THPO: variants seen among roughly 807,000 people sequenced by gnomAD.
The protein encoded by THPO is MPL ligand.
A neutral mutation model predicts 17.0 loss-of-function variants in THPO; 12 were observed. That is an observed-to-expected ratio of 0.71 (90% confidence interval 0.45 to 1.14). The LOEUF is 1.14. THPO is among the 50% of genes most tolerant of loss of function. The pLI is 0.00. For missense variants in THPO, 365 were observed against 427.5 expected (o/e 0.85, Z 1.29); for synonymous variants, 188 against 183.0 (o/e 1.03, Z -0.22).
rs1395198495 is a variant in THPO, at chr3:184,372,636, C to T, written c.939G>A (p.Leu313=). 1.5e-5 allele frequency: 24 copies of T among 1,612,586 alleles called. No homozygotes were observed. The highest frequency in any genetic ancestry group is 2.0e-5 in the Non-Finnish European group (24 of 1,179,182). Residue 313 remains leucine (L), a synonymous_variant, in exon 6 of 6, where the codon TTG becomes TTA. Transcript: ENST00000647395. ...QYTLFPLPPT[L]PTPVVQLHPL... ...GGTGGAGCTGGACCACAGGGGTGGG[C>T]AAGGTGGGTGGAAGAGGGAAGAGCG...
chr3:184,373,037 T>TGGTGGGTGGGGCCCGCCTGACGC lies in THPO; in HGVS notation c.515_537dup (p.Thr180AlafsTer17). ...AGAGAGGTTCTGCTGGGGACAGCTG[T>TGGTGGGTGGGGCCCGCCTGACGC]GGTGGGTGGGGCCCGCCTGACGCAG... On this transcript the variant is annotated frameshift_variant, in exon 6 of 6. Transcript: ENST00000647395. LOFTEE classifies it low-confidence loss of function (END_TRUNC). 6.2e-7 allele frequency: 1 copy of TGGTGGGTGGGGCCCGCCTGACGC among 1,614,042 alleles called. No homozygotes were observed. Among genetic ancestry groups the TGGTGGGTGGGGCCCGCCTGACGC allele is most frequent in the Non-Finnish European group, 8.5e-7 (1 of 1,180,012 alleles).
upstream of THPO, chr3:184,378,349 T>C: frequency 2.0e-6 from 2 of 985,490 alleles, no homozygotes; most frequent in East Asian, 1.1e-4. Context: ...GGGGGATCCA[T>C]CTTTTCCTGG....
chr3:184,373,434 T>A lies in THPO; in HGVS notation c.377A>T (p.Gln126Leu), dbSNP rs373801614. The change falls in exon 5 of 6, where the codon CAG (glutamine) becomes CTG (leucine). Residue 126 changes from glutamine to leucine, a missense_variant. Physicochemically the swap from Gln to Leu is moderately radical, Grantham distance 113 (BLOSUM62 -2). Transcript: ENST00000647395. ...GQVRLLLGAL[Q>L]SLLGTQLPPQ... ...ACTTACCTGGGTTCCAAGGAGGCTC[T>A]GCAGGGCCCCAAGGAGGAGACGGAC... The A allele has an allele frequency of 1.9e-6, 3 of 1,613,936 alleles. No individual in the cohort carries two copies. The highest frequency in any genetic ancestry group is 2.5e-6 in the Non-Finnish European group (3 of 1,179,984).
chr3:184,376,855 AAAGAAAGAAAG>A (rs1374041451), intron 1 of THPO, among the ~76,000 whole-genome samples: 10 of 141,454 alleles, frequency 7.1e-5, no homozygotes, highest in African/African-American at 2.4e-4. Flanking sequence ...CAAAAAAAAA[AAAGAAAGAAAG>A]AAAGAAAGAA....
In THPO at chr3:184,372,779, G is replaced by C. The variant is rs186070598; in HGVS notation, c.796C>G (p.Arg266Gly). 1.9e-6 allele frequency: 3 copies of C among 1,613,952 alleles called. No individual in the cohort carries two copies. The highest frequency in any genetic ancestry group is 2.7e-5 in the African/African-American group (2 of 74,872). ...GTRGLFPGPS[R>G]RTLGAPDISS... The stretch of plus-strand genomic sequence containing the variant: ...ATGTCCGGGGCTCCTAGGGTCCTGC[G>C]TGAGGGTCCAGGAAAGAGTCCACGA... The change falls in exon 6 of 6, where the codon CGC (arginine) becomes GGC (glycine). Residue 266 changes from arginine (R) to glycine (G), a missense_variant. Physicochemically the swap from Arg to Gly is moderately radical, Grantham distance 125 (BLOSUM62 -2). Transcript: ENST00000647395.
intron 2 of THPO, 22 bp downstream of exon 2, chr3:184,376,225 A>G: frequency 6.2e-7 from 1 of 1,613,804 alleles, no homozygotes; most frequent in South Asian, 1.1e-5. Context: ...ATATGGCCCT[A>G]GCCCCTCAGG....
At chr3:184,375,482 T>C (rs1220356687) in intron 4 of THPO, 33 bp downstream of exon 4, 1 of 1,604,724 alleles carries the variant, frequency 6.2e-7, no homozygotes, top group African/African-American at 1.3e-5. Flanking sequence ...AGACAGGACT[T>C]AGGGAAGCCA....
At chr3:184,374,200 C>G (rs1010548483) in intron 4 of THPO, among the ~76,000 whole-genome samples, 11 of 152,146 alleles carry the variant, frequency 7.2e-5, no homozygotes, top group African/African-American at 2.7e-4. Flanking sequence ...TGCACTCCAG[C>G]CTGGGGGATA....
rs1227402405 is a variant in THPO at position 184,376,021 on chromosome 3, A to G, written c.14-6T>C. 6.2e-7 allele frequency: 1 copy of G among 1,613,854 alleles called. No homozygotes were observed. The highest frequency in any genetic ancestry group is 1.7e-5 in the Admixed American group (1 of 59,976). On this transcript the variant is annotated splice_polypyrimidine_tract_variant and splice_region_variant and intron_variant, in intron 2 of 5. Coordinates refer to ENST00000647395, the MANE Select transcript of THPO (RefSeq NM_000460.4). ...CATGACCACGAGGAGCAATTCTTAG[A>G]TGAGGAGAGGTGAGGTTGAAAGATG...
Position 184,372,907 on chromosome 3 carries a change from T to C in THPO, c.668A>G (p.Gln223Arg), listed in dbSNP as rs755579168. The C allele has an allele frequency of 3.1e-6, 5 of 1,613,916 alleles. No homozygotes were observed. The East Asian group carries it at 6.7e-5, about 22-fold the overall frequency. ...TTGSGLLKWQ[Q>R]GFRAKIPGLL... ...ACCAGGAATCTTGGCTCTGAATCCC[T>C]GCTGCCACTTCAGAAGCCCAGAGCC... is the stretch of plus-strand genomic sequence containing the variant. The change falls in exon 6 of 6, where the codon CAG (glutamine) becomes CGG (arginine). Residue 223 changes from glutamine to arginine, a missense_variant. Gln to Arg is a conservative substitution (Grantham distance 43, BLOSUM62 1). Transcript: ENST00000647395.
In THPO at chr3:184,372,431, T is replaced by C; in HGVS notation, c.*82A>G. 1 of 1,541,760 alleles carries C rather than the reference T, an allele frequency of 6.5e-7. No individual in the cohort carries two copies. The highest frequency in any genetic ancestry group is 1.1e-5 in the South Asian group (1 of 89,116). On this transcript the variant is annotated 3_prime_UTR_variant, in exon 6 of 6. Coordinates refer to ENST00000647395, the MANE Select transcript of THPO (RefSeq NM_000460.4). The stretch of plus-strand genomic sequence containing the variant: ...GGTTTCAGGAGAAAGTAGGAAATCT[T>C]GTCCAGTTGTCTCCCAGGGGCGCCC...
At chr3:184,376,038 T>G in intron 2 of THPO, 23 bp from the exon 3 acceptor site, 2 of 1,613,854 alleles carry the variant, frequency 1.2e-6, no homozygotes, top group Non-Finnish European at 8.5e-7. Context: ...GAGGTGAGGT[T>G]GAAAGATGAG....
upstream of THPO, among the ~76,000 whole-genome samples, chr3:184,379,496 G>A (rs1714809252): frequency 6.6e-6 from 1 of 152,170 alleles, no homozygotes; most frequent in Non-Finnish European, 1.5e-5. Flanking sequence ...AGCGACCTCA[G>A]AGAGAAGGTA....
chr3:184,379,413 C>T (rs73887468), upstream of THPO, among the ~76,000 whole-genome samples: 1,997 of 152,102 alleles, frequency 0.013, 40 homozygotes, highest in African/African-American at 0.046. Flanking sequence ...GAGGGAGATA[C>T]TGTCACTCCA....
upstream of THPO, among the ~76,000 whole-genome samples, chr3:184,379,326 A>G (rs1486310477): frequency 6.6e-6 from 1 of 151,946 alleles, no homozygotes; most frequent in African/African-American, 2.4e-5. Flanking sequence ...GGAGAGGCAG[A>G]GGGTCCCTTG....
upstream of THPO, chr3:184,378,891 C>T: frequency 1.0e-6 from 1 of 984,708 alleles, no homozygotes; most frequent in Non-Finnish European, 1.2e-6. Flanking sequence ...GAGGAATAAC[C>T]AGGCCCATGT....
Position 184,373,162 on chromosome 3 carries a change from C to T in THPO, c.413G>A (p.Arg138Lys). The T allele has an allele frequency of 6.2e-7, 1 of 1,612,132 alleles. No homozygotes were observed. Among genetic ancestry groups the T allele is most frequent in the Non-Finnish European group, 8.5e-7 (1 of 1,179,998 alleles). ...LLGTQLPPQG[R>K]TTAHKDPNAI... ...ATTGGGATCCTTGTGAGCTGTGGTC[C>T]TGCCCTGTGGAGGAAGCTGAGGGCA... Residue 138 changes from arginine (R) to lysine (K), a missense_variant, in exon 6 of 6, where the codon AGG (arginine) becomes AAG (lysine). Coordinates refer to ENST00000647395, the MANE Select transcript of THPO (RefSeq NM_000460.4).
At position 184,372,704 on chromosome 3, in the gene THPO, C is replaced by T; in HGVS notation, c.871G>A (p.Gly291Arg). ...TGSLPPNLQPGYSPSPTHPPT... is the reference protein window; with the variant it reads ...TGSLPPNLQPRYSPSPTHPPT... ...GGATGGGTTGGGGAAGGAGAATATC[C>T]AGGCTGGAGGTTGGGTGGCAGGGAG... is the stretch of plus-strand genomic sequence containing the variant. The change falls in exon 6 of 6, where the codon GGA becomes AGA. Residue 291 changes from glycine to arginine, a missense_variant. Transcript: ENST00000647395. 1 of 1,613,448 alleles carries T rather than the reference C, an allele frequency of 6.2e-7. No homozygotes were observed. The highest frequency in any genetic ancestry group is 1.1e-5 in the South Asian group (1 of 91,068).
Position 184,378,055 on chromosome 3 carries a change from A to G in THPO, c.-146+20T>C. 1 of 985,312 alleles carries G rather than the reference A, an allele frequency of 1.0e-6. No homozygotes were observed. The allele number at this position is 985,312 out of a possible 1,614,324, so 61.0% of individuals were successfully genotyped here. On this transcript the variant is annotated intron_variant, in intron 1 of 5. Coordinates refer to ENST00000647395, the MANE Select transcript of THPO (RefSeq NM_000460.4). ...GTCCTTTCTACCCTCACATAACCCC[A>G]CACCCTGCTGGCCACTCACCGGGTG...
Sources: gnomAD v4.1 joint callset for allele counts (sites outside exome capture counted in the v4.1 genomes callset) on GRCh38, gnomAD v4.1.1 for gene constraint, MANE v1.5 for transcripts, NCBI Gene and HGNC (gene_info 2026-07-23, HGNC 2026-07-21) for gene names.